ADAMTS12: variants seen among roughly 807,000 people sequenced by gnomAD.
ADAMTS12 encodes the protein A disintegrin and metalloproteinase with thrombospondin motifs 12.
Under a neutral mutation model 167.8 loss-of-function variants are expected in ADAMTS12, and 118 were observed. That is an observed-to-expected ratio of 0.70 (90% confidence interval 0.61 to 0.82). The LOEUF is 0.82. ADAMTS12 is among the 40% of genes least tolerant of loss of function. The probability of loss-of-function intolerance (pLI) is 0.00; values close to 1 mark genes in which losing one functional copy is unlikely to be tolerated. For synonymous variants in ADAMTS12, 704 were observed against 716.9 expected (o/e 0.98, Z 0.29); for missense variants, 1,916 against 1,998.8 (o/e 0.96, Z 0.79).
intron 14 of ADAMTS12, among the ~76,000 whole-genome samples, chr5:33,617,594 G>A (rs897636394): frequency 2.6e-5 from 4 of 152,052 alleles, no homozygotes; most frequent in East Asian, 3.9e-4. Context: ...GACCACCTCC[G>A]GGAAGATATT....
At chr5:33,554,791 T>C (rs969539374) in intron 20 of ADAMTS12, among the ~76,000 whole-genome samples, 16 of 152,218 alleles carry the variant, frequency 1.1e-4, no homozygotes, top group African/African-American at 3.9e-4. Flanking sequence ...TAAAATTCAA[T>C]AAACATGGAG....
At chr5:33,790,897 T>A (rs774464241) in intron 2 of ADAMTS12, among the ~76,000 whole-genome samples, 39 of 152,004 alleles carry the variant, frequency 2.6e-4, no homozygotes, top group Non-Finnish European at 5.0e-4. Context: ...TGGTGCTGTG[T>A]TCTTCCTGTT....
chr5:33,559,651 C>A (rs1745642886), intron 20 of ADAMTS12, among the ~76,000 whole-genome samples: 1 of 152,190 alleles, frequency 6.6e-6, no homozygotes, highest in Admixed American at 6.5e-5. Flanking sequence ...AAGGCCAAGG[C>A]AGGCGGACCA....
chr5:33,547,019 T>C (rs1374455810), intron 21 of ADAMTS12, among the ~76,000 whole-genome samples: 2 of 152,344 alleles, frequency 1.3e-5, no homozygotes, highest in African/African-American at 4.8e-5. Flanking sequence ...ATTAACCTTT[T>C]CTGCTCAATA....
chr5:33,789,398 A>AGCCACCATTGTCCAT (rs1469268164), intron 2 of ADAMTS12, among the ~76,000 whole-genome samples: 2 of 152,246 alleles, frequency 1.3e-5, no homozygotes, highest in Non-Finnish European at 2.9e-5. Context: ...GAGATGGAAC[A>AGCCACCATTGTCCAT]GCCACCATTG....
At chr5:33,784,808 T>A (rs768269037) in intron 2 of ADAMTS12, among the ~76,000 whole-genome samples, 2 of 152,070 alleles carry the variant, frequency 1.3e-5, no homozygotes, top group Admixed American at 1.3e-4. Flanking sequence ...GCTATTTTGG[T>A]AGAAATTAAT....
intron 2 of ADAMTS12, among the ~76,000 whole-genome samples, chr5:33,786,080 G>T (rs1746313877): frequency 6.6e-6 from 1 of 152,206 alleles, no homozygotes; most frequent in Non-Finnish European, 1.5e-5. Flanking sequence ...CATCTTGTAT[G>T]ATTCCACTAT....
At chr5:33,863,057 C>G (rs1749681446) in intron 2 of ADAMTS12, among the ~76,000 whole-genome samples, 1 of 152,092 alleles carries the variant, frequency 6.6e-6, no homozygotes, top group Non-Finnish European at 1.5e-5. Flanking sequence ...ATAATAAGAG[C>G]TATTTATGAG....
intron 2 of ADAMTS12, among the ~76,000 whole-genome samples, chr5:33,771,578 A>G (rs1453468889): frequency 2.0e-5 from 3 of 152,138 alleles, no homozygotes; most frequent in Non-Finnish European, 4.4e-5. Flanking sequence ...GCAAAAATAG[A>G]ATTTGTTTAA....
At position 33,882,095 on chromosome 5, in the gene ADAMTS12, G is replaced by C. The variant is rs138544444; in HGVS notation, c.128-615C>G. Among the ~76,000 whole-genome samples the C allele has an allele frequency of 2.6e-4, 40 of 152,254 alleles. 1 individual carries two copies. The highest frequency in any genetic ancestry group is 3.4e-3 in the Middle Eastern group (1 of 294). Reference sequence around the variant, plus strand: ...GGGGCAAGATCTGAATGAGGAACAGGAATCTTTCAAGTCTAGAGTTCAGAA... The same window carrying C: ...GGGGCAAGATCTGAATGAGGAACAGCAATCTTTCAAGTCTAGAGTTCAGAA... On this transcript the variant is annotated intron_variant, in intron 1 of 23. Transcript: ENST00000504830.
intron 5 of ADAMTS12, among the ~76,000 whole-genome samples, chr5:33,681,997 A>G (rs1358127379): frequency 1.3e-5 from 2 of 152,258 alleles, no homozygotes; most frequent in African/African-American, 4.8e-5. Context: ...ATGATCAATT[A>G]TGGCTGCATT....
chr5:33,630,361 C>T (rs967521391), intron 13 of ADAMTS12, among the ~76,000 whole-genome samples: 12 of 152,172 alleles, frequency 7.9e-5, no homozygotes, highest in South Asian at 2.1e-4. Flanking sequence ...ATTGTCATGC[C>T]GTCTCTCTGA....
chr5:33,889,133 C>T (rs1750752909), intron 1 of ADAMTS12, among the ~76,000 whole-genome samples: 1 of 152,080 alleles, frequency 6.6e-6, no homozygotes, highest in South Asian at 2.1e-4. Flanking sequence ...ATGCCCTAGA[C>T]CTCCCATTCC....
rs965386581 is a variant in ADAMTS12, at chr5:33,649,452, G to A, written c.1334+102C>T. Reference sequence around the variant, plus strand: ...CCCTGACATGGTGGCCTGTGGGATGGAATCCAGCCTTTTCCAGGCATCAGC... The same window carrying A: ...CCCTGACATGGTGGCCTGTGGGATGAAATCCAGCCTTTTCCAGGCATCAGC... On this transcript the variant is annotated intron_variant, in intron 8 of 23. Transcript: ENST00000504830. The A allele has an allele frequency of 1.1e-5, 16 of 1,428,248 alleles. No homozygotes were observed. The Admixed American group carries it at 3.2e-4, about 28-fold the overall frequency. The allele number at this position is 1,428,248 out of a possible 1,614,324, so 88.5% of individuals were successfully genotyped here. A position where few individuals can be genotyped will look rare whatever the true frequency, so the allele number is the denominator to read the frequency against.
chr5:33,626,775 TTGA>T lies in ADAMTS12; in HGVS notation c.2023-2427_2023-2425del, dbSNP rs549084018. Among the ~76,000 whole-genome samples the T allele has an allele frequency of 3.5e-3, 488 of 141,150 alleles. 4 individuals carry two copies. The highest frequency in any genetic ancestry group is 0.013 in the African/African-American group (477 of 37,604). 92.6% of individuals were successfully genotyped at this position (141,150 alleles called of 152,430 possible). ...GTGATGTGGTAGTGATGGTGATGAT[TTGA>T]TGATGGTGGTGGTGGTGATGCGGTA... On this transcript the variant is annotated intron_variant, in intron 13 of 23. Coordinates refer to ENST00000504830, the MANE Select transcript of ADAMTS12 (RefSeq NM_030955.4).
At chr5:33,823,335 G>C (rs1747933428) in intron 2 of ADAMTS12, among the ~76,000 whole-genome samples, 1 of 152,166 alleles carries the variant, frequency 6.6e-6, no homozygotes, top group African/African-American at 2.4e-5. Context: ...AAGCAGGAAT[G>C]ATCTTCACTT....
chr5:33,663,631 A>G (rs1741350353), intron 5 of ADAMTS12, among the ~76,000 whole-genome samples: 1 of 152,206 alleles, frequency 6.6e-6, no homozygotes, highest in South Asian at 2.1e-4. Context: ...CTAGATCAAG[A>G]TCACTTAGCT....
chr5:33,525,410 G>C lies in ADAMTS12; in HGVS notation c.*1778C>G, dbSNP rs891500227. The C allele has an allele frequency of 2.0e-5, 3 of 152,132 alleles. No individual in the cohort carries two copies. Among genetic ancestry groups the C allele is most frequent in the Non-Finnish European group, 1.5e-5 (1 of 68,040 alleles). The allele number at this position is 152,132 out of a possible 1,614,324, so 9.4% of individuals were successfully genotyped here. A position where few individuals can be genotyped will look rare whatever the true frequency, so the allele number is the denominator to read the frequency against. ...TGTTTTATTTTTCACAGGAATTCAT[G>C]AGAGTAATACACGTTAATGGCTTGG... On this transcript the variant is annotated 3_prime_UTR_variant, in exon 24 of 24. Transcript: ENST00000504830.
chr5:33,527,689 A>G (rs903903212), intron 23 of ADAMTS12, among the ~76,000 whole-genome samples: 3 of 152,202 alleles, frequency 2.0e-5, no homozygotes, highest in African/African-American at 7.2e-5. Flanking sequence ...CTTGCTTTAG[A>G]TAATGGGATG....
Sources: gnomAD v4.1 joint callset for allele counts (sites outside exome capture counted in the v4.1 genomes callset) on GRCh38, gnomAD v4.1.1 for gene constraint, MANE v1.5 for transcripts, NCBI Gene and HGNC (gene_info 2026-07-23, HGNC 2026-07-21) for gene names.